SYNJ2: variants seen among roughly 807,000 people sequenced by gnomAD.
SYNJ2 encodes the protein synaptojanin 2, also known as polyphosphatidylinositol phosphatase SYNJ2.
A neutral mutation model predicts 141.3 loss-of-function variants in SYNJ2; 116 were observed. The ratio of observed to expected loss-of-function variants is 0.82; its 90% CI spans 0.71 to 0.96. The LOEUF (loss-of-function observed/expected upper bound fraction) is 0.96. SYNJ2 is among the 40% of genes least tolerant of loss of function. The probability of loss-of-function intolerance (pLI) is 0.00; values close to 1 mark genes in which losing one functional copy is unlikely to be tolerated. For missense variants in SYNJ2, 1,873 were observed against 1,934.8 expected (o/e 0.97, Z 0.60); for synonymous variants, 745 against 777.7 (o/e 0.96, Z 0.70).
chr6:158,027,094 T>C lies in SYNJ2; in HGVS notation c.215-1662T>C. The C allele has an allele frequency of 1.0e-6, 1 of 985,282 alleles. No homozygotes were observed. Among genetic ancestry groups the C allele is most frequent in the East Asian group, 1.1e-4 (1 of 8,806 alleles). 61.0% of individuals were successfully genotyped at this position (985,282 alleles called of 1,614,324 possible). On this transcript the variant is annotated intron_variant, in intron 2 of 26. Transcript: ENST00000355585. The surrounding 1 kb of genome is among the most constrained non-coding windows in gnomAD (Gnocchi z 4.6). ...GCCCCTGGGAGCCCTGAGCGCTCAT[T>C]AAAGGAACGCACTTTAATGACAGCC...
At position 158,082,051 on chromosome 6, in the gene SYNJ2, A is replaced by G. The variant is rs888998322; in HGVS notation, c.2865+541A>G. Among the ~76,000 whole-genome samples the G allele has an allele frequency of 4.1e-4, 63 of 152,134 alleles. 1 individual carries two copies. Among genetic ancestry groups the G allele is most frequent in the Non-Finnish European group, 1.3e-4 (9 of 68,036 alleles). The stretch of plus-strand genomic sequence containing the variant: ...CTCATGTCCGGCTCTAGCTACTTGC[A>G]AAATAGGGCGGAAGGGTGGGCGCAG... On this transcript the variant is annotated intron_variant, in intron 20 of 26. Transcript: ENST00000355585.
chr6:158,073,649 G>T (rs1311488721), intron 15 of SYNJ2, among the ~76,000 whole-genome samples: 1 of 152,212 alleles, frequency 6.6e-6, no homozygotes, highest in African/African-American at 2.4e-5. Flanking sequence ...AGTGGCTCCT[G>T]CATCAGATGG....
intron 7 of SYNJ2, among the ~76,000 whole-genome samples, chr6:158,061,612 C>T (rs1253228222): frequency 1.3e-5 from 2 of 152,154 alleles, no homozygotes; most frequent in Non-Finnish European, 2.9e-5. Flanking sequence ...CAGCCTGCCA[C>T]AGCACTGCTA....
At chr6:158,054,860 G>A in intron 5 of SYNJ2, 107 bp from the exon 6 acceptor site, 1 of 1,154,504 alleles carries the variant, frequency 8.7e-7, no homozygotes, top group Admixed American at 2.0e-5. Flanking sequence ...GGCCTAGTGG[G>A]TGCCACATGC....
chr6:158,096,263 C>A lies in SYNJ2; in HGVS notation c.4390C>A (p.Pro1464Thr). 6.2e-7 allele frequency: 1 copy of A among 1,614,212 alleles called. No individual in the cohort carries two copies. Among genetic ancestry groups the A allele is most frequent in the Non-Finnish European group, 8.5e-7 (1 of 1,180,030 alleles). ...AGASAAKAEL[P>T]PDHEHKTLGH... ...CGCTTCAGCTGCCAAGGCAGAGCTG[C>A]CACCAGATCATGAACACAAAACCTT... is the stretch of plus-strand genomic sequence containing the variant. Residue 1464 changes from proline (P) to threonine (T), a missense_variant, in exon 27 of 27, where the codon CCA becomes ACA. Transcript: ENST00000355585.
intron 4 of SYNJ2, among the ~76,000 whole-genome samples, chr6:158,037,090 G>T (rs1345088121): frequency 6.6e-6 from 1 of 152,168 alleles, no homozygotes; most frequent in Non-Finnish European, 1.5e-5. Context: ...CAAACCGCAT[G>T]CATTTCCTAG....
chr6:158,018,154 G>A (rs982091023), intron 2 of SYNJ2, among the ~76,000 whole-genome samples: 1 of 152,170 alleles, frequency 6.6e-6, no homozygotes, highest in Non-Finnish European at 1.5e-5. Flanking sequence ...AGGAAGACGT[G>A]GGCATCTCTG....
At position 158,095,029 on chromosome 6, in the gene SYNJ2, A is replaced by T. The variant is rs551046178; in HGVS notation, c.3745-589A>T. Among the ~76,000 whole-genome samples the T allele has an allele frequency of 1.2e-4, 19 of 152,232 alleles. No homozygotes were observed. In the East Asian group the frequency reaches 3.1e-3, roughly 25 times the overall value. ...CCAGGCATGGTGGCAGGCGCCTGCA[A>T]TCCCAGCTACTCGGGAGGCTGAAGC... On this transcript the variant is annotated intron_variant, in intron 26 of 26. Coordinates refer to ENST00000355585, the MANE Select transcript of SYNJ2 (RefSeq NM_003898.4).
chr6:158,092,995 C>T lies in SYNJ2; in HGVS notation c.3635C>T (p.Thr1212Ile), dbSNP rs1437428162. Residue 1212 changes from threonine (T) to isoleucine (I), a missense_variant, in exon 26 of 27, where the codon ACA becomes ATA. By Grantham distance (89) the Thr-to-Ile change is moderately conservative (BLOSUM62 -1). Transcript: ENST00000355585. The stretch of plus-strand genomic sequence containing the variant: ...GAAGCATCCTCTGAACCAGAGCCCA[C>T]ACCGGGGGCAGCCAAACCAGAGACC... ...DLEASSEPEP[T>I]PGAAKPETPQ... 16 of 1,613,284 alleles carry T rather than the reference C, an allele frequency of 9.9e-6. No individual in the cohort carries two copies. Among genetic ancestry groups the T allele is most frequent in the Non-Finnish European group, 1.4e-5 (16 of 1,179,824 alleles).
chr6:158,058,860 G>T (rs1781030209), intron 6 of SYNJ2, among the ~76,000 whole-genome samples: 1 of 152,202 alleles, frequency 6.6e-6, no homozygotes, highest in Non-Finnish European at 1.5e-5. Flanking sequence ...TTGAGCCCAG[G>T]AGTTTGAGGC....
chr6:158,079,352 A>C (rs894660676), intron 18 of SYNJ2: 2 of 151,920 alleles, frequency 1.3e-5, no homozygotes, highest in African/African-American at 2.4e-5. Flanking sequence ...ATTAAGAAAA[A>C]GAAGGTAAGA....
At chr6:157,986,034 C>T (rs887948912) in intron 1 of SYNJ2, among the ~76,000 whole-genome samples, 2 of 152,150 alleles carry the variant, frequency 1.3e-5, no homozygotes, top group African/African-American at 2.4e-5. Flanking sequence ...TGAACTGTTG[C>T]CTAGATCACT....
intron 16 of SYNJ2, among the ~76,000 whole-genome samples, chr6:158,075,457 T>A (rs2986008): frequency 0.71 from 107,094 of 151,180 alleles, 38,190 homozygotes; most frequent in East Asian, 0.88. Flanking sequence ...CCTGGCCAAC[T>A]TGGTGAAACC....
intron 10 of SYNJ2, 25 bp from the exon 11 acceptor site, chr6:158,064,801 G>A (rs764404482): frequency 4.2e-5 from 68 of 1,610,518 alleles, no homozygotes; most frequent in African/African-American, 3.3e-4. Context: ...CCCCCCTCAC[G>A]GCCTGCGGTC....
Position 158,098,181 on chromosome 6 carries a change from CAGATAAATGTAACAACCAGTCAA to C in SYNJ2, c.*1821_*1843del, listed in dbSNP as rs2128406231. ...ACCAAAAAGGAGATAAATTTGAAAA[CAGATAAATGTAACAACCAGTCAA>C]AGAAGCAGGGGAAAAGTAAGCTCCT... On this transcript the variant is annotated 3_prime_UTR_variant, in exon 27 of 27. Coordinates refer to ENST00000355585, the MANE Select transcript of SYNJ2 (RefSeq NM_003898.4). 1 of 152,280 alleles carries C rather than the reference CAGATAAATGTAACAACCAGTCAA, an allele frequency of 6.6e-6. No individual in the cohort carries two copies. The highest frequency in any genetic ancestry group is 2.4e-5 in the African/African-American group (1 of 41,572). The allele number at this position is 152,280 out of a possible 1,614,324, so 9.4% of individuals were successfully genotyped here. A position where few individuals can be genotyped will look rare whatever the true frequency, so the allele number is the denominator to read the frequency against.
intron 1 of SYNJ2, 94 bp from the exon 2 acceptor site, chr6:158,017,110 T>G: frequency 6.7e-7 from 1 of 1,487,640 alleles, no homozygotes; most frequent in Admixed American, 2.3e-5. Context: ...CTTTTTGGAG[T>G]GGGTGGGAAG....
chr6:158,011,621 G>C (rs1251326435), intron 1 of SYNJ2, among the ~76,000 whole-genome samples: 2 of 152,206 alleles, frequency 1.3e-5, no homozygotes, highest in African/African-American at 4.8e-5. Context: ...CAGTGGCCGG[G>C]ATGTGAAGTC....
rs984307016 is a variant in SYNJ2 at position 157,982,084 on chromosome 6, G to C, written c.123G>C (p.Thr41=). The C allele has an allele frequency of 2.2e-6, 3 of 1,334,024 alleles. No individual in the cohort carries two copies. Among genetic ancestry groups the C allele is most frequent in the Admixed American group, 3.9e-5 (1 of 25,910 alleles). 82.6% of individuals were successfully genotyped at this position (1,334,024 alleles called of 1,614,324 possible). The part of the protein sequence containing the change: ...CLLFEAGTVA[T]LAPEEKEVIK... ...TGTTCGAGGCCGGCACGGTGGCCAC[G>C]CTGGGTGAGTCCGGGCCGGGGGCAG... The change falls in exon 1 of 27, where the codon ACG becomes ACC. Residue 41 remains threonine, a synonymous_variant. Coordinates refer to ENST00000355585, the MANE Select transcript of SYNJ2 (RefSeq NM_003898.4). The surrounding 1 kb of genome is among the most constrained non-coding windows in gnomAD (Gnocchi z 4.0).
chr6:158,004,090 G>A (rs186980063), intron 1 of SYNJ2, among the ~76,000 whole-genome samples: 4 of 152,196 alleles, frequency 2.6e-5, no homozygotes, highest in Middle Eastern at 3.4e-3. Context: ...GTCAACCCAC[G>A]ATCAAATTAC....
Sources: allele counts gnomAD v4.1 joint callset (sites outside exome capture counted in the v4.1 genomes callset), GRCh38; gene constraint gnomAD v4.1.1; non-coding constraint Gnocchi (gnomAD v3.1); transcripts MANE v1.5; gene names NCBI Gene and HGNC (gene_info 2026-07-23, HGNC 2026-07-21).